FTCDNL1: variants seen among roughly 807,000 people sequenced by gnomAD.
FTCDNL1 encodes formiminotransferase cyclodeaminase N-terminal like.
In FTCDNL1, 11 loss-of-function variants were observed where a neutral mutation model predicts 5.9. The observed-to-expected ratio is 1.87, with a 90% CI of 1.18 to 3.10. The LOEUF is 3.10. Ranked by LOEUF, FTCDNL1 falls within the 30% of genes most tolerant of loss-of-function variation. The pLI is 0.00. For synonymous variants in FTCDNL1, 58 were observed against 24.8 expected, an observed-to-expected ratio of 2.34 and a Z score of -3.99; for missense variants, 115 against 65.5, an observed-to-expected ratio of 1.76 and a Z score of -2.61.
chr2:199,837,898 A>G (rs575238784), intron 3 of FTCDNL1, among the ~76,000 whole-genome samples: 1 of 152,330 alleles, frequency 6.6e-6, no homozygotes, highest in South Asian at 2.1e-4. Context: ...GCAAGTTTCC[A>G]TATCATTTAT....
intron 3 of FTCDNL1, among the ~76,000 whole-genome samples, chr2:199,782,771 G>T (rs1289750685): frequency 6.6e-6 from 1 of 152,088 alleles, no homozygotes; most frequent in African/African-American, 2.4e-5. Flanking sequence ...AAAATGTCTG[G>T]GACTTGCTCT....
intron 3 of FTCDNL1, among the ~76,000 whole-genome samples, chr2:199,824,067 G>C (rs758441004): frequency 6.6e-6 from 1 of 152,152 alleles, no homozygotes; most frequent in East Asian, 1.9e-4. Flanking sequence ...CTCCCACCTC[G>C]GTCTCCCAAA....
the FTCDNL1 span, among the ~76,000 whole-genome samples, chr2:199,726,713 G>A: frequency 2.6e-5 from 4 of 152,176 alleles, no homozygotes; most frequent in East Asian, 5.8e-4. Context: ...TATTCACCTG[G>A]GCCCCTCCTG....
chr2:199,683,173 T>C, the FTCDNL1 span, among the ~76,000 whole-genome samples: 2 of 152,172 alleles, frequency 1.3e-5, no homozygotes, highest in African/African-American at 4.8e-5. Context: ...AAGAATGATC[T>C]TCCAGTTTCT....
At chr2:199,776,695 C>A (rs1438933383) in intron 3 of FTCDNL1, among the ~76,000 whole-genome samples, 1 of 152,102 alleles carries the variant, frequency 6.6e-6, no homozygotes, top group Non-Finnish European at 1.5e-5. Flanking sequence ...AGAGGGTGGA[C>A]CCCACCCAAA....
At chr2:199,752,203 C>T in the FTCDNL1 span, among the ~76,000 whole-genome samples, 2 of 152,196 alleles carry the variant, frequency 1.3e-5, no homozygotes, top group African/African-American at 2.4e-5. Flanking sequence ...CCAACCCTCC[C>T]TGGAGCTGAG....
the FTCDNL1 span, among the ~76,000 whole-genome samples, chr2:199,696,557 A>C: frequency 1.3e-5 from 2 of 152,126 alleles, no homozygotes; most frequent in Admixed American, 1.3e-4. Flanking sequence ...TGGCCACCTG[A>C]AATTGTGCAG....
At chr2:199,721,970 G>A in the FTCDNL1 span, among the ~76,000 whole-genome samples, 1 of 152,118 alleles carries the variant, frequency 6.6e-6, no homozygotes, top group African/African-American at 2.4e-5. Context: ...TTTTAATGGA[G>A]TCATTTGTCT....
the FTCDNL1 span, among the ~76,000 whole-genome samples, chr2:199,676,309 T>C: frequency 6.6e-6 from 1 of 152,180 alleles, no homozygotes; most frequent in East Asian, 1.9e-4. Flanking sequence ...TAAATTGGTT[T>C]TTCATACTCC....
At chr2:199,833,125 C>A (rs1307407121) in intron 3 of FTCDNL1, among the ~76,000 whole-genome samples, 1 of 152,084 alleles carries the variant, frequency 6.6e-6, no homozygotes. Context: ...CACAGCACCA[C>A]ACCTGGCTAA....
the FTCDNL1 span, among the ~76,000 whole-genome samples, chr2:199,706,191 G>A: frequency 6.6e-6 from 1 of 152,150 alleles, no homozygotes; most frequent in Non-Finnish European, 1.5e-5. Flanking sequence ...GTGTCCTGGG[G>A]ACAACTGTTA....
chr2:199,799,818 T>A (rs970712035), intron 3 of FTCDNL1, among the ~76,000 whole-genome samples: 5 of 152,126 alleles, frequency 3.3e-5, no homozygotes, highest in Admixed American at 6.5e-5. Context: ...AGCCTGAATG[T>A]TTTGCCATTC....
At chr2:199,849,092 A>T (rs2076806971) in intron 1 of FTCDNL1, 123 bp from the exon 2 acceptor site, 1 of 599,630 alleles carries the variant, frequency 1.7e-6, no homozygotes, top group Non-Finnish European at 2.9e-6. Context: ...TTACTATTTC[A>T]TTCCTAGAAA....
intron 3 of FTCDNL1, among the ~76,000 whole-genome samples, chr2:199,841,714 G>A (rs1331659963): frequency 6.6e-6 from 1 of 151,948 alleles, no homozygotes; most frequent in East Asian, 1.9e-4. Context: ...GCCATTTTAA[G>A]TTATAACATT....
At chr2:199,673,457 A>C in the FTCDNL1 span, among the ~76,000 whole-genome samples, 2 of 151,804 alleles carry the variant, frequency 1.3e-5, no homozygotes, top group African/African-American at 4.8e-5. Context: ...TTCTACTCTT[A>C]TTTAGCTTCT....
At chr2:199,758,307 A>AAAAC (rs374980612), downstream of FTCDNL1, among the ~76,000 whole-genome samples, 540 of 152,236 alleles carry the variant, frequency 3.5e-3, 11 homozygotes, top group African/African-American at 0.013. Flanking sequence ...AATAAATGAG[A>AAAAC]AAACAAACAA....
chr2:199,807,719 C>G (rs1700802975), downstream of FTCDNL1, among the ~76,000 whole-genome samples: 1 of 152,060 alleles, frequency 6.6e-6, no homozygotes, highest in African/African-American at 2.4e-5. Flanking sequence ...CACATTTAAT[C>G]AACTTTATTT....
chr2:199,768,312 T>TGTATTC, intron 3 of FTCDNL1, among the ~76,000 whole-genome samples: 1 of 151,762 alleles, frequency 6.6e-6, no homozygotes, highest in Non-Finnish European at 1.5e-5. Flanking sequence ...ATGAGCTTCT[T>TGTATTC]ATAAGAACAC....
At chr2:199,739,260 T>C in the FTCDNL1 span, among the ~76,000 whole-genome samples, 1 of 151,870 alleles carries the variant, frequency 6.6e-6, no homozygotes, top group African/African-American at 2.4e-5. Context: ...GGAGAGGAGA[T>C]AGCCCTTCCT....
Sources: allele counts gnomAD v4.1 joint callset (sites outside exome capture counted in the v4.1 genomes callset), GRCh38; gene constraint gnomAD v4.1.1; transcripts MANE v1.5; gene names NCBI Gene and HGNC (gene_info 2026-07-23, HGNC 2026-07-21).